MYCBP2: variants seen among roughly 807,000 people sequenced by gnomAD.
MYCBP2 encodes E3 ubiquitin-protein ligase MYCBP2.
A neutral mutation model predicts 525.3 loss-of-function variants in MYCBP2; 120 were observed. That is an observed-to-expected ratio of 0.23 (90% CI 0.20 to 0.27). The LOEUF is 0.27. Ranked by LOEUF, MYCBP2 falls within the 10% of genes least tolerant of loss-of-function variation. MYCBP2 has a pLI of 1.00. For missense variants in MYCBP2, 4,149 were observed against 5,657.1 expected, an observed-to-expected ratio of 0.73 and a Z score of 8.55; for synonymous variants, 1,894 against 1,955.8, an observed-to-expected ratio of 0.97 and a Z score of 0.83.
rs1345427640 is a variant in MYCBP2, at chr13:77,055,635, C to G, written c.13570G>C (p.Gly4524Arg). 1.9e-6 allele frequency: 3 copies of G among 1,613,966 alleles called. No individual in the cohort carries two copies. In the African/African-American group the frequency reaches 4.0e-5, roughly 22 times the overall value. Residue 4524 changes from glycine to arginine, a missense_variant, in exon 80 of 83, where the codon GGT (glycine) becomes CGT (arginine). Gly to Arg is a moderately radical substitution (Grantham distance 125). Transcript: ENST00000544440. ...LHKSEAITTP[G>R]VRFYNDPAGY... The stretch of plus-strand genomic sequence containing the variant: ...GCTGGGTCATTATAAAACCTCACAC[C>G]AGGAGTTGTGATAGCTTCACTCTTA...
intron 3 of MYCBP2, among the ~76,000 whole-genome samples, chr13:77,284,854 T>A (rs2076572663): frequency 1.3e-5 from 2 of 152,164 alleles, no homozygotes; most frequent in African/African-American, 4.8e-5. Context: ...CAACCCCCAA[T>A]CTATAGATGA....
In MYCBP2 at chr13:77,064,843, G is replaced by A. The variant is rs558967186; in HGVS notation, c.12553-109C>T. ...ATCAAAGGAAATATTTGTTTTTAGT[G>A]AGACCATGGAATTTTAGATTATGGG... On this transcript the variant is annotated intron_variant, in intron 72 of 82. Coordinates refer to ENST00000544440, the MANE Select transcript of MYCBP2 (RefSeq NM_015057.5). The A allele has an allele frequency of 3.7e-6, 4 of 1,070,348 alleles. No homozygotes were observed. In the South Asian group the frequency reaches 9.9e-5, roughly 26 times the overall value. 66.3% of individuals were successfully genotyped at this position (1,070,348 alleles called of 1,614,324 possible). A position where few individuals can be genotyped will look rare whatever the true frequency, so the allele number is the denominator to read the frequency against.
intron 52 of MYCBP2, among the ~76,000 whole-genome samples, chr13:77,134,706 T>C (rs1445776025): frequency 6.6e-6 from 1 of 152,200 alleles, no homozygotes; most frequent in Non-Finnish European, 1.5e-5. Context: ...ACTTAAAAAT[T>C]ATTTTGGAAA....
rs769700922 is a variant in MYCBP2, at chr13:77,212,180, A to G, written c.3058-20T>C. 1 of 1,599,936 alleles carries G rather than the reference A, an allele frequency of 6.3e-7. No individual in the cohort carries two copies. The highest frequency in any genetic ancestry group is 1.1e-5 in the South Asian group (1 of 90,338). On this transcript the variant is annotated intron_variant, in intron 21 of 82. Transcript: ENST00000544440. ...TCCTTTCTAAAAGATTAAATAAACC[A>G]TATTAGCAATATTGCTGTGTAAACA...
intron 20 of MYCBP2, among the ~76,000 whole-genome samples, chr13:77,218,492 A>G (rs929820906): frequency 3.3e-5 from 5 of 152,244 alleles, no homozygotes; most frequent in African/African-American, 7.2e-5. Flanking sequence ...CTTTAAAGCT[A>G]GACTGGCTGG....
intron 15 of MYCBP2, among the ~76,000 whole-genome samples, chr13:77,244,250 T>C (rs1345748014): frequency 1.3e-5 from 2 of 152,222 alleles, no homozygotes; most frequent in African/African-American, 2.4e-5. Flanking sequence ...AAAAGTCTTT[T>C]TGCAGTTAGT....
intron 20 of MYCBP2, among the ~76,000 whole-genome samples, chr13:77,220,218 T>C (rs1594045070): frequency 6.6e-6 from 1 of 152,056 alleles, no homozygotes; most frequent in Non-Finnish European, 1.5e-5. Flanking sequence ...CAACAGTCTT[T>C]AACTTGAGTA....
chr13:77,164,489 G>T lies in MYCBP2; in HGVS notation c.6512C>A (p.Ala2171Glu), dbSNP rs1431812045. The T allele has an allele frequency of 1.9e-6, 3 of 1,613,184 alleles. No homozygotes were observed. The East Asian group carries it at 6.7e-5, about 36-fold the overall frequency. The part of the protein sequence containing the change: ...ELANLGGVCA[A>E]ALMKKDLALP... ...TGCTAGGTCCTTCTTCATCAGAGCT[G>T]CTGCACAAACCCCACCAAGATTGGC... Residue 2171 changes from alanine to glutamate, a missense_variant, in exon 43 of 83, where the codon GCA (alanine) becomes GAA (glutamate). Coordinates refer to ENST00000544440, the MANE Select transcript of MYCBP2 (RefSeq NM_015057.5).
At chr13:77,257,934 T>G (rs1233966477) in intron 13 of MYCBP2, 105 bp from the exon 14 acceptor site, 7 of 886,106 alleles carry the variant, frequency 7.9e-6, no homozygotes, top group African/African-American at 1.7e-5. Flanking sequence ...GCAAAATAAC[T>G]CAACAAAATG....
At chr13:77,160,989 T>C (rs764027611) in intron 44 of MYCBP2, among the ~76,000 whole-genome samples, 1 of 152,210 alleles carries the variant, frequency 6.6e-6, no homozygotes, top group Non-Finnish European at 1.5e-5. Context: ...TCCTAGGGTC[T>C]GAGTAACACT....
At chr13:77,170,493 T>C (rs1264769309) in intron 38 of MYCBP2, among the ~76,000 whole-genome samples, 1 of 152,188 alleles carries the variant, frequency 6.6e-6, no homozygotes, top group Admixed American at 6.5e-5. Flanking sequence ...TCTAATAGTC[T>C]TTATTTTCAG....
At chr13:77,177,150 A>T (rs1315640584) in intron 35 of MYCBP2, among the ~76,000 whole-genome samples, 1 of 123,748 alleles carries the variant, frequency 8.1e-6, no homozygotes, top group Non-Finnish European at 1.7e-5. Context: ...TGACAATATA[A>T]AAAAAAAAAA....
At chr13:77,285,782 G>A (rs1016366002) in intron 3 of MYCBP2, among the ~76,000 whole-genome samples, 4 of 150,532 alleles carry the variant, frequency 2.7e-5, no homozygotes, top group Admixed American at 6.6e-5. Context: ...GCAAAACTCC[G>A]TGAAAGAAAG....
intron 1 of MYCBP2, among the ~76,000 whole-genome samples, chr13:77,310,360 G>A (rs1345445406): frequency 6.6e-6 from 1 of 151,942 alleles, no homozygotes; most frequent in Non-Finnish European, 1.5e-5. Flanking sequence ...CCTACTCAGG[G>A]GTCAGCAAAC....
At chr13:77,072,226 G>A (rs1386493840) in intron 68 of MYCBP2, among the ~76,000 whole-genome samples, 1 of 150,140 alleles carries the variant, frequency 6.7e-6, no homozygotes, top group African/African-American at 2.5e-5. Flanking sequence ...AGGAGTCAGA[G>A]CTTGCAGTGA....
At chr13:77,050,960 A>G in intron 82 of MYCBP2, 37 bp downstream of exon 82, 2 of 1,546,858 alleles carry the variant, frequency 1.3e-6, no homozygotes, top group Non-Finnish European at 1.8e-6. Flanking sequence ...TATGGTATAT[A>G]GATCATAATC....
rs1256498946 is a variant in MYCBP2 at position 77,074,004 on chromosome 13, C to G, written c.11823+2747G>C. Among the ~76,000 whole-genome samples the G allele has an allele frequency of 8.2e-4, 30 of 36,658 alleles. No individual in the cohort carries two copies. The South Asian group carries it at 0.018, about 22-fold the overall frequency. The allele number at this position is 36,658 out of a possible 152,430, so 24.0% of individuals were successfully genotyped here. On this transcript the variant is annotated intron_variant, in intron 68 of 82. Transcript: ENST00000544440. Reference sequence around the variant, plus strand: ...CCAGTCAAAATTCCATCCCCACCGCCCCCCCCCCTTTTTTTTTTAAAGAAA... The same window carrying G: ...CCAGTCAAAATTCCATCCCCACCGCGCCCCCCCCTTTTTTTTTTAAAGAAA...
intron 15 of MYCBP2, 39 bp downstream of exon 15, chr13:77,251,112 T>C (rs367631291): frequency 2.7e-4 from 425 of 1,588,526 alleles, no homozygotes; most frequent in Non-Finnish European, 3.4e-4. Flanking sequence ...AAGAAATGTG[T>C]TCTGCACATG....
chr13:77,162,982 G>C (rs2058118600), intron 43 of MYCBP2, among the ~76,000 whole-genome samples: 1 of 152,116 alleles, frequency 6.6e-6, no homozygotes, highest in Non-Finnish European at 1.5e-5. Flanking sequence ...GCAAAAATGG[G>C]ACCTTCTTCT....
Sources: allele counts gnomAD v4.1 joint callset (sites outside exome capture counted in the v4.1 genomes callset), GRCh38; gene constraint gnomAD v4.1.1; transcripts MANE v1.5; gene names NCBI Gene and HGNC (gene_info 2026-07-23, HGNC 2026-07-21).